SNX25: variants seen among roughly 807,000 people sequenced by gnomAD.
The protein encoded by SNX25 is sorting nexin 25.
In SNX25, 62 loss-of-function variants were observed where a neutral mutation model predicts 113.7. The observed-to-expected ratio is 0.55, with a 90% CI of 0.44 to 0.67. SNX25 has a LOEUF of 0.67. Among genes scored for constraint, SNX25 ranks in the 30% least tolerant of loss-of-function variants. The probability of loss-of-function intolerance (pLI) is 0.00; values close to 1 mark genes in which losing one functional copy is unlikely to be tolerated. For missense variants in SNX25, 1,014 were observed against 1,161.0 expected, an observed-to-expected ratio of 0.87 and a Z score of 1.84; for synonymous variants, 421 against 436.2, an observed-to-expected ratio of 0.97 and a Z score of 0.43.
chr4:185,208,214 C>T (rs763768988), upstream of SNX25, among the ~76,000 whole-genome samples: 10 of 152,016 alleles, frequency 6.6e-5, no homozygotes, highest in Admixed American at 2.6e-4. Flanking sequence ...GTTCAAGTTT[C>T]ACTATGTTGG....
chr4:185,265,480 T>C (rs553745159), intron 4 of SNX25, among the ~76,000 whole-genome samples: 1 of 152,286 alleles, frequency 6.6e-6, no homozygotes, highest in African/African-American at 2.4e-5. Flanking sequence ...AGTACACCTA[T>C]ATAGGACACT....
intron 9 of SNX25, among the ~76,000 whole-genome samples, chr4:185,325,762 C>T (rs901650415): frequency 5.9e-5 from 9 of 152,156 alleles, no homozygotes; most frequent in East Asian, 3.9e-4. Context: ...TGATTTTTCT[C>T]CTCTTGAGAT....
intron 6 of SNX25, among the ~76,000 whole-genome samples, chr4:185,309,208 T>C (rs986423511): frequency 3.9e-5 from 6 of 152,278 alleles, no homozygotes; most frequent in Non-Finnish European, 8.8e-5. Flanking sequence ...CTCCAAGGAC[T>C]GATGGCTTAG....
chr4:185,242,810 C>G (rs1234215152), intron 1 of SNX25, among the ~76,000 whole-genome samples: 1 of 152,098 alleles, frequency 6.6e-6, no homozygotes, highest in Non-Finnish European at 1.5e-5. Context: ...CCCCGAGGCC[C>G]GACACACCCA....
In SNX25 at chr4:185,277,640, A is replaced by G. The variant is rs925986126; in HGVS notation, c.1092-10372A>G. ...TCCAAAATACTGACATAAAAGATGT[A>G]AATAACCTCACAAGCATATGTAATA... On this transcript the variant is annotated intron_variant, in intron 5 of 18. Transcript: ENST00000652585. Among the ~76,000 whole-genome samples the G allele has an allele frequency of 1.2e-4, 18 of 152,138 alleles. 1 individual carries two copies. The South Asian group carries it at 3.7e-3, about 31-fold the overall frequency.
At chr4:185,283,481 G>A (rs1750931788) in intron 5 of SNX25, among the ~76,000 whole-genome samples, 1 of 152,200 alleles carries the variant, frequency 6.6e-6, no homozygotes, top group Non-Finnish European at 1.5e-5. Context: ...ATGGTATCAC[G>A]TATGGTCTGG....
At chr4:185,250,483 T>G (rs1745479175) in intron 2 of SNX25, among the ~76,000 whole-genome samples, 1 of 152,232 alleles carries the variant, frequency 6.6e-6, no homozygotes, top group South Asian at 2.1e-4. Context: ...CCCTGGCAAC[T>G]CTTAAATCTG....
intron 2 of SNX25, 58 bp from the exon 3 acceptor site, chr4:185,258,790 A>G: frequency 2.2e-6 from 3 of 1,380,296 alleles, no homozygotes; most frequent in Non-Finnish European, 3.1e-6. Context: ...GTAGAAATGC[A>G]GTCTTGGTGT....
intron 9 of SNX25, among the ~76,000 whole-genome samples, chr4:185,325,042 A>G (rs1027192246): frequency 1.3e-5 from 2 of 152,198 alleles, no homozygotes; most frequent in Non-Finnish European, 2.9e-5. Context: ...CACCAATGCT[A>G]TGATTTTGTT....
chr4:185,223,194 A>C (rs1398819414), intron 1 of SNX25, among the ~76,000 whole-genome samples: 1 of 152,148 alleles, frequency 6.6e-6, no homozygotes, highest in African/African-American at 2.4e-5. Context: ...CTTTATAGGA[A>C]TCACTTCCTT....
At chr4:185,208,028 T>C (rs72706066), upstream of SNX25, among the ~76,000 whole-genome samples, 19,475 of 152,212 alleles carry the variant, frequency 0.13, 1,317 homozygotes, top group African/African-American at 0.15. Context: ...AGGGTACACT[T>C]TGAGGGGCTC....
intron 12 of SNX25, among the ~76,000 whole-genome samples, chr4:185,343,760 C>T (rs1045950090): frequency 2.6e-5 from 4 of 152,102 alleles, no homozygotes; most frequent in South Asian, 2.1e-4. Flanking sequence ...TCTTGCTTAG[C>T]GTGAACTGAT....
intron 1 of SNX25, among the ~76,000 whole-genome samples, chr4:185,236,095 T>C (rs1348188424): frequency 6.6e-6 from 1 of 152,214 alleles, no homozygotes; most frequent in Admixed American, 6.5e-5. Flanking sequence ...AATAAACTTA[T>C]CTAGATAAAC....
intron 9 of SNX25, 129 bp from the exon 10 acceptor site, chr4:185,332,466 T>C: frequency 1.1e-6 from 1 of 883,024 alleles, no homozygotes; most frequent in Non-Finnish European, 1.6e-6. Context: ...GAAAAAGCAG[T>C]CTAAATTTTC....
chr4:185,215,843 G>T (rs1274336867), intron 1 of SNX25, among the ~76,000 whole-genome samples: 1 of 151,396 alleles, frequency 6.6e-6, no homozygotes, highest in Non-Finnish European at 1.5e-5. Flanking sequence ...AGATTGGAGG[G>T]CAGTGGTGCC....
At chr4:185,371,540 TAAA>T (rs11288148), downstream of SNX25, among the ~76,000 whole-genome samples, 1,412 of 78,268 alleles carry the variant, frequency 0.018, 27 homozygotes, top group African/African-American at 0.065. Context: ...AGACTCCGTC[TAAA>T]AAAAAAAAAA....
chr4:185,281,045 A>G (rs1435970490), intron 5 of SNX25, among the ~76,000 whole-genome samples: 7 of 152,058 alleles, frequency 4.6e-5, no homozygotes, highest in Non-Finnish European at 1.0e-4. Context: ...TCCCATAGTA[A>G]TGTTACCTTT....
intron 6 of SNX25, among the ~76,000 whole-genome samples, chr4:185,302,390 T>C (rs558884890): frequency 5.9e-5 from 9 of 152,122 alleles, no homozygotes; most frequent in Non-Finnish European, 4.4e-5. Flanking sequence ...AGGGGGGCAG[T>C]CTTGGGGACT....
At chr4:185,309,797 A>G (rs970198353) in intron 6 of SNX25, among the ~76,000 whole-genome samples, 2 of 152,142 alleles carry the variant, frequency 1.3e-5, no homozygotes, top group African/African-American at 2.4e-5. Context: ...CCTGCTTCCT[A>G]TGTAATCATG....
Sources: gnomAD v4.1 joint callset for allele counts (sites outside exome capture counted in the v4.1 genomes callset) on GRCh38, gnomAD v4.1.1 for gene constraint, MANE v1.5 for transcripts, NCBI Gene and HGNC (gene_info 2026-07-23, HGNC 2026-07-21) for gene names.